The following FOXN3 variants were observed in gnomAD, a reference collection of about 807,000 sequenced individuals.
FOXN3 encodes forkhead box protein N3.
In FOXN3, 7 loss-of-function variants were observed where a neutral mutation model predicts 38.4. The ratio of observed to expected loss-of-function variants is 0.18; its 90% confidence interval spans 0.10 to 0.34. The LOEUF (loss-of-function observed/expected upper bound fraction) is 0.34, where lower values mean the gene tolerates loss of function less well. FOXN3 is among the 10% of genes least tolerant of loss of function. The pLI, the probability that FOXN3 is intolerant of heterozygous loss-of-function variation, is 1.00. For missense variants in FOXN3, 456 were observed against 613.4 expected, an observed-to-expected ratio of 0.74 and a Z score of 2.71; for synonymous variants, 230 against 242.2, an observed-to-expected ratio of 0.95 and a Z score of 0.47.
intron 3 of FOXN3, among the ~76,000 whole-genome samples, chr14:89,310,357 A>C (rs1025111869): frequency 1.3e-5 from 2 of 152,196 alleles, no homozygotes; most frequent in African/African-American, 2.4e-5. Flanking sequence ...GAGATTCTGA[A>C]GGATGGAGAG....
chr14:89,473,333 T>C (rs1893145787), intron 1 of FOXN3, among the ~76,000 whole-genome samples: 1 of 151,042 alleles, frequency 6.6e-6, no homozygotes, highest in Non-Finnish European at 1.5e-5. Flanking sequence ...CAGAAGGTGA[T>C]CATTTTAATA....
chr14:89,442,421 G>A (rs1022971464), intron 1 of FOXN3, among the ~76,000 whole-genome samples: 2 of 152,066 alleles, frequency 1.3e-5, no homozygotes, highest in Non-Finnish European at 2.9e-5. Context: ...CTGCTCTCTC[G>A]GCTGAAGACA....
intron 1 of FOXN3, among the ~76,000 whole-genome samples, chr14:89,567,785 C>T (rs1275096915): frequency 2.7e-5 from 4 of 148,388 alleles, no homozygotes; most frequent in East Asian, 2.0e-4. Context: ...TGCAGTGGCG[C>T]GATCTCGGGT....
chr14:89,292,524 A>G (rs1331056193), intron 3 of FOXN3, among the ~76,000 whole-genome samples: 1 of 152,230 alleles, frequency 6.6e-6, no homozygotes, highest in Non-Finnish European at 1.5e-5. Context: ...TGATTAGGCC[A>G]GGAGGGCTCC....
At chr14:89,166,194 G>C (rs1327828707) in intron 5 of FOXN3, among the ~76,000 whole-genome samples, 1 of 152,152 alleles carries the variant, frequency 6.6e-6, no homozygotes, top group Non-Finnish European at 1.5e-5. Flanking sequence ...TGTTAAACGT[G>C]AGCTCCACAC....
chr14:89,294,324 G>T (rs542969724), intron 3 of FOXN3, among the ~76,000 whole-genome samples: 1 of 152,248 alleles, frequency 6.6e-6, no homozygotes, highest in South Asian at 2.1e-4. Flanking sequence ...TCAGGGGTGG[G>T]GGAATGGTAT....
chr14:89,536,090 G>A lies in FOXN3; in HGVS notation c.-15+82938C>T, dbSNP rs538979414. On this transcript the variant is annotated intron_variant, in intron 1 of 6. Coordinates refer to the FOXN3 transcript ENST00000345097. ...TCCAATACATCAACACTCTGCAAAGGTCACTGGAGGCAAAATAAAGCCACC... is the reference window on the plus strand; with the variant it reads ...TCCAATACATCAACACTCTGCAAAGATCACTGGAGGCAAAATAAAGCCACC... Among the ~76,000 whole-genome samples the A allele has an allele frequency of 7.9e-5, 12 of 152,278 alleles. No individual in the cohort carries two copies. The East Asian group carries it at 2.3e-3, about 29-fold the overall frequency.
chr14:89,308,962 G>T (rs759786135), intron 3 of FOXN3, among the ~76,000 whole-genome samples: 3 of 152,184 alleles, frequency 2.0e-5, no homozygotes, highest in African/African-American at 4.8e-5. Flanking sequence ...AGCCTGAGGG[G>T]TCTCCTGTTC....
chr14:89,377,716 C>T (rs1051009098), intron 2 of FOXN3, among the ~76,000 whole-genome samples: 1 of 152,218 alleles, frequency 6.6e-6, no homozygotes, highest in Admixed American at 6.5e-5. Context: ...GCCCTCTACC[C>T]ATCTCCACAG....
At chr14:89,286,066 T>G (rs966825149) in intron 3 of FOXN3, among the ~76,000 whole-genome samples, 6 of 151,776 alleles carry the variant, frequency 4.0e-5, no homozygotes, top group Non-Finnish European at 7.4e-5. Context: ...GGACAGGGTC[T>G]CACTATGTTG....
At position 89,417,086 on chromosome 14, in the gene FOXN3, C is replaced by T. The variant is rs1167502417; in HGVS notation, c.-230G>A. On this transcript the variant is annotated 5_prime_UTR_variant, in exon 1 of 6. Coordinates refer to ENST00000557258, the MANE Select transcript of FOXN3 (RefSeq NM_005197.4). Reference sequence around the variant, plus strand: ...GGCGCGGCATGGGACCTGCGGCGTCCGCCGGGCGCGCCGCGCGTCCTCCCG... The same window carrying T: ...GGCGCGGCATGGGACCTGCGGCGTCTGCCGGGCGCGCCGCGCGTCCTCCCG... The T allele has an allele frequency of 7.0e-6, 1 of 143,748 alleles. No homozygotes were observed. The highest frequency in any genetic ancestry group is 2.1e-4 in the East Asian group (1 of 4,832). The allele number at this position is 143,748 out of a possible 1,614,324, so 8.9% of individuals were successfully genotyped here. A position where few individuals can be genotyped will look rare whatever the true frequency, so the allele number is the denominator to read the frequency against.
intron 2 of FOXN3, among the ~76,000 whole-genome samples, chr14:89,395,634 T>G (rs1891080598): frequency 6.6e-6 from 1 of 152,184 alleles, no homozygotes; most frequent in South Asian, 2.1e-4. Flanking sequence ...GCTTTCCTGA[T>G]GCCTAGCATA....
intron 1 of FOXN3, among the ~76,000 whole-genome samples, chr14:89,586,399 C>G (rs779074881): frequency 6.6e-6 from 1 of 152,114 alleles, no homozygotes; most frequent in Non-Finnish European, 1.5e-5. Flanking sequence ...GTCAGGGACT[C>G]TGTGGAGGTT....
chr14:89,408,163 C>CCTGG (rs2140093924), intron 2 of FOXN3, among the ~76,000 whole-genome samples: 1 of 152,284 alleles, frequency 6.6e-6, no homozygotes, highest in African/African-American at 2.4e-5. Context: ...GATTCTCAAA[C>CCTGG]CTGGCTCCAT....
At chr14:89,594,378 TGTAA>T (rs1294904802) in intron 1 of FOXN3, among the ~76,000 whole-genome samples, 2 of 152,258 alleles carry the variant, frequency 1.3e-5, no homozygotes, top group Non-Finnish European at 2.9e-5. Flanking sequence ...CTCTTGGTAC[TGTAA>T]GTAATTTTCA....
chr14:89,611,710 G>A (rs748477205), intron 1 of FOXN3, among the ~76,000 whole-genome samples: 2 of 151,624 alleles, frequency 1.3e-5, no homozygotes, highest in Non-Finnish European at 2.9e-5. Flanking sequence ...GGAGGCTGAG[G>A]CAGGAGAACG....
rs370136184 is a variant in FOXN3 at position 89,162,461 on chromosome 14, G to T, written c.1360C>A (p.Arg454=). ...TGCTCTTTCTGCCCCTTTGCCGTCC[G>T]ATTGGTGATGTTATTCAAACAGGAC... ...IRSCLNNITN[R]TAKGQKEQKE... Residue 454 remains arginine (R), a synonymous_variant, in exon 6 of 6, where the codon CGG becomes AGG. Coordinates refer to ENST00000557258, the MANE Select transcript of FOXN3 (RefSeq NM_005197.4). The surrounding 1 kb of genome is among the most constrained non-coding windows in gnomAD (Gnocchi z 7.2). 2 of 1,596,202 alleles carry T rather than the reference G, an allele frequency of 1.3e-6. No homozygotes were observed. Among genetic ancestry groups the T allele is most frequent in the South Asian group, 1.1e-5 (1 of 89,242 alleles).
intron 1 of FOXN3, among the ~76,000 whole-genome samples, chr14:89,568,915 G>A (rs775095490): frequency 6.6e-6 from 1 of 151,922 alleles, no homozygotes; most frequent in African/African-American, 2.4e-5. Context: ...TGTTTAAAAG[G>A]CGCCATTGGC....
chr14:89,599,214 T>C (rs1896111725), intron 1 of FOXN3, among the ~76,000 whole-genome samples: 1 of 152,238 alleles, frequency 6.6e-6, no homozygotes, highest in Admixed American at 6.5e-5. Flanking sequence ...TTTTTAAAGC[T>C]TAATTTTTAA....
Sources: gnomAD v4.1 joint callset for allele counts (sites outside exome capture counted in the v4.1 genomes callset) on GRCh38, gnomAD v4.1.1 for gene constraint, Gnocchi (gnomAD v3.1) non-coding constraint, MANE v1.5 for transcripts, NCBI Gene and HGNC (gene_info 2026-07-23, HGNC 2026-07-21) for gene names.